CAMK4: variants seen among roughly 807,000 people sequenced by gnomAD.
CAMK4 encodes calcium/calmodulin-dependent protein kinase type IV.
A neutral mutation model predicts 44.9 loss-of-function variants in CAMK4; 22 were observed. The ratio of observed to expected loss-of-function variants is 0.49; its 90% CI spans 0.35 to 0.70. The LOEUF (loss-of-function observed/expected upper bound fraction) is 0.70. Ranked by LOEUF, CAMK4 falls within the 30% of genes least tolerant of loss-of-function variation. The pLI is 0.01. For missense variants in CAMK4, 498 were observed against 586.8 expected (o/e 0.85, Z 1.56); for synonymous variants, 218 against 215.4 (o/e 1.01, Z -0.11).
chr5:111,279,384 T>C (rs1396625536), intron 1 of CAMK4, among the ~76,000 whole-genome samples: 1 of 152,134 alleles, frequency 6.6e-6, no homozygotes, highest in Non-Finnish European at 1.5e-5. Context: ...ATCTCAGCTG[T>C]CTCTGTCAGT....
At chr5:111,445,494 T>C (rs1318593219) in intron 5 of CAMK4, among the ~76,000 whole-genome samples, 1 of 152,094 alleles carries the variant, frequency 6.6e-6, no homozygotes, top group Non-Finnish European at 1.5e-5. Flanking sequence ...AGTGGCATGA[T>C]CATGGCTCAC....
intron 1 of CAMK4, among the ~76,000 whole-genome samples, chr5:111,254,490 C>T (rs1389020986): frequency 6.6e-6 from 1 of 152,200 alleles, no homozygotes; most frequent in African/African-American, 2.4e-5. Context: ...CCTTCACACT[C>T]TGTAATGCCA....
In CAMK4 at chr5:111,485,198, C is replaced by T. The variant is rs1242484798; in HGVS notation, c.*732C>T. Reference sequence around the variant, plus strand: ...AGTTCCATTCTTTCCTTCACCTGCTCTCCAATAAGATGACTTTCTGATAGA... The same window carrying T: ...AGTTCCATTCTTTCCTTCACCTGCTTTCCAATAAGATGACTTTCTGATAGA... On this transcript the variant is annotated 3_prime_UTR_variant, in exon 11 of 11. Coordinates refer to ENST00000282356, the MANE Select transcript of CAMK4 (RefSeq NM_001744.6). 1.3e-5 allele frequency: 2 copies of T among 152,142 alleles called. No homozygotes were observed. The highest frequency in any genetic ancestry group is 1.9e-4 in the East Asian group (1 of 5,202). 9.4% of individuals were successfully genotyped at this position (152,142 alleles called of 1,614,324 possible). A position where few individuals can be genotyped will look rare whatever the true frequency, so the allele number is the denominator to read the frequency against.
chr5:111,486,319 A>T lies in CAMK4; in HGVS notation c.*1853A>T, dbSNP rs1457329873. The T allele has an allele frequency of 1.3e-5, 2 of 152,010 alleles. No individual in the cohort carries two copies. The highest frequency in any genetic ancestry group is 2.9e-5 in the Non-Finnish European group (2 of 68,012). 9.4% of individuals were successfully genotyped at this position (152,010 alleles called of 1,614,324 possible). On this transcript the variant is annotated 3_prime_UTR_variant, in exon 11 of 11. Transcript: ENST00000282356. ...GTTTTATTTGTACTATCTAGTAGAG[A>T]GCACTTTTCTTATTCCCTCTTTCCT...
At chr5:111,266,542 G>A (rs921874918) in intron 1 of CAMK4, among the ~76,000 whole-genome samples, 7 of 152,134 alleles carry the variant, frequency 4.6e-5, no homozygotes, top group Non-Finnish European at 8.8e-5. Context: ...ATGAATTACT[G>A]TCCTGCTATT....
intron 2 of CAMK4, among the ~76,000 whole-genome samples, chr5:111,355,483 T>C (rs1437569532): frequency 8.3e-6 from 1 of 121,126 alleles, no homozygotes; most frequent in East Asian, 2.6e-4. Flanking sequence ...AATTCTGCAT[T>C]CTTTTTATTT....
intron 5 of CAMK4, among the ~76,000 whole-genome samples, chr5:111,439,720 A>G (rs912506138): frequency 2.0e-5 from 3 of 152,166 alleles, no homozygotes; most frequent in Non-Finnish European, 4.4e-5. Context: ...GGGTAACTCA[A>G]TTTGTGGTTT....
At position 111,446,755 on chromosome 5, in the gene CAMK4, C is replaced by A; in HGVS notation, c.529C>A (p.Pro177Thr). ...GAATCTTCTTTATGCAACTCCAGCCCCAGATGCACCACTCAAAATCGGTGA... is the reference window on the plus strand; with the variant it reads ...GAATCTTCTTTATGCAACTCCAGCCACAGATGCACCACTCAAAATCGGTGA... Reference protein sequence around the residue: ...PENLLYATPAPDAPLKIADFG... With the variant: ...PENLLYATPATDAPLKIADFG... The change falls in exon 6 of 11, where the codon CCA becomes ACA. Residue 177 changes from proline to threonine, a missense_variant. Physicochemically the swap from Pro to Thr is conservative, Grantham distance 38. Transcript: ENST00000282356. The A allele has an allele frequency of 6.2e-7, 1 of 1,605,264 alleles. No homozygotes were observed. Among genetic ancestry groups the A allele is most frequent in the South Asian group, 1.1e-5 (1 of 90,876 alleles).
rs1182119246 is a variant in CAMK4, at chr5:111,486,785, A to G, written c.*2319A>G. On this transcript the variant is annotated 3_prime_UTR_variant, in exon 11 of 11. Coordinates refer to ENST00000282356, the MANE Select transcript of CAMK4 (RefSeq NM_001744.6). ...AGAATTTACTCATTTAAATGAGTGCATATTACCATTCCTCCATGTGAGTAC... is the reference window on the plus strand; with the variant it reads ...AGAATTTACTCATTTAAATGAGTGCGTATTACCATTCCTCCATGTGAGTAC... 6.6e-6 allele frequency: 1 copy of G among 152,202 alleles called. No homozygotes were observed. The highest frequency in any genetic ancestry group is 1.5e-5 in the Non-Finnish European group (1 of 68,034). 9.4% of individuals were successfully genotyped at this position (152,202 alleles called of 1,614,324 possible).
chr5:111,450,670 C>T (rs1048795119), intron 7 of CAMK4, among the ~76,000 whole-genome samples: 3 of 148,606 alleles, frequency 2.0e-5, no homozygotes, highest in African/African-American at 7.6e-5. Context: ...TGCCTGTAAT[C>T]CCAGCGACTC....
At chr5:111,342,369 C>A (rs182386496) in intron 1 of CAMK4, among the ~76,000 whole-genome samples, 235 of 151,494 alleles carry the variant, frequency 1.6e-3, no homozygotes, top group African/African-American at 5.4e-3. Context: ...TAATTAATGT[C>A]CCCCTTTATC....
chr5:111,390,210 A>G (rs1023401595), intron 4 of CAMK4, among the ~76,000 whole-genome samples: 1 of 152,192 alleles, frequency 6.6e-6, no homozygotes, highest in Admixed American at 6.5e-5. Flanking sequence ...CCAAAAATAA[A>G]AAGAGGATGA....
rs1032744107 is a variant in CAMK4 at position 111,348,976 on chromosome 5, A to G, written c.240+4874A>G. ...AACCACTTTTTATTGTATTGAAAAA[A>G]CCCTGGATATTTCCTGTAACAATAT... is the stretch of plus-strand genomic sequence containing the variant. On this transcript the variant is annotated intron_variant, in intron 2 of 10. Coordinates refer to ENST00000282356, the MANE Select transcript of CAMK4 (RefSeq NM_001744.6). 5.3e-5 allele frequency among the ~76,000 whole-genome samples: 8 copies of G among 151,864 alleles called. 1 individual carries two copies. The highest frequency in any genetic ancestry group is 1.4e-4 in the African/African-American group (6 of 41,466).
chr5:111,422,235 A>G (rs1753059146), intron 5 of CAMK4, among the ~76,000 whole-genome samples: 1 of 152,218 alleles, frequency 6.6e-6, no homozygotes, highest in Non-Finnish European at 1.5e-5. Flanking sequence ...CTTCATATAG[A>G]TGATCTGCTT....
chr5:111,393,760 T>C (rs1751896354), intron 4 of CAMK4, among the ~76,000 whole-genome samples: 1 of 152,054 alleles, frequency 6.6e-6, no homozygotes, highest in Non-Finnish European at 1.5e-5. Flanking sequence ...GAAAAATAAC[T>C]TATGGGTACT....
At chr5:111,252,034 C>T (rs1213639975) in intron 1 of CAMK4, among the ~76,000 whole-genome samples, 4 of 152,234 alleles carry the variant, frequency 2.6e-5, no homozygotes, top group African/African-American at 7.2e-5. Context: ...CTTCTGGAGT[C>T]GTGTTAGCAT....
At chr5:111,224,310 C>T, upstream of CAMK4, 1 of 961,014 alleles carries the variant, frequency 1.0e-6, no homozygotes, top group Non-Finnish European at 1.4e-6. This position sits in a 1 kb window ranked among gnomAD's most constrained non-coding sequence, Gnocchi z 5.7. Context: ...AGAGGCTCGC[C>T]CCCTTCCCCG....
chr5:111,336,514 A>G (rs1027282522), intron 1 of CAMK4, among the ~76,000 whole-genome samples: 2 of 151,090 alleles, frequency 1.3e-5, no homozygotes, highest in African/African-American at 4.8e-5. Context: ...TGTTATTTCC[A>G]CATAAGTTCT....
chr5:111,268,696 TATA>T (rs1750367219), intron 1 of CAMK4, among the ~76,000 whole-genome samples: 2 of 152,206 alleles, frequency 1.3e-5, no homozygotes, highest in African/African-American at 4.8e-5. Context: ...TATGATGTAA[TATA>T]ATAGCTGAGA....
Sources: gnomAD v4.1 joint callset for allele counts (sites outside exome capture counted in the v4.1 genomes callset) on GRCh38, gnomAD v4.1.1 for gene constraint, Gnocchi (gnomAD v3.1) non-coding constraint, MANE v1.5 for transcripts, NCBI Gene and HGNC (gene_info 2026-07-23, HGNC 2026-07-21) for gene names.